EEIG2: variants seen among roughly 807,000 people sequenced by gnomAD.
EEIG2 encodes family with sequence similarity 102 member B.
the EEIG2 span, among the ~76,000 whole-genome samples, chr1:108,624,327 G>A: frequency 6.6e-6 from 1 of 151,858 alleles, no homozygotes; most frequent in Non-Finnish European, 1.5e-5. Context: ...GTGCTGTCCT[G>A]AGTTGACAGT....
At chr1:108,597,806 G>T in the EEIG2 span, among the ~76,000 whole-genome samples, 1 of 152,112 alleles carries the variant, frequency 6.6e-6, no homozygotes, top group African/African-American at 2.4e-5. Context: ...CTATAAATTT[G>T]TATATAATTT....
At chr1:108,602,705 C>T in the EEIG2 span, among the ~76,000 whole-genome samples, 1 of 151,920 alleles carries the variant, frequency 6.6e-6, no homozygotes, top group African/African-American at 2.4e-5. Flanking sequence ...CATGGAGAAA[C>T]CCCATCTCCA....
the EEIG2 span, among the ~76,000 whole-genome samples, chr1:108,572,985 T>G: frequency 7.2e-5 from 11 of 152,262 alleles, no homozygotes; most frequent in Non-Finnish European, 1.6e-4. Context: ...CTGGATATAC[T>G]ATGGTTTACC....
At chr1:108,613,835 C>A in the EEIG2 span, among the ~76,000 whole-genome samples, 2 of 152,006 alleles carry the variant, frequency 1.3e-5, no homozygotes, top group African/African-American at 4.8e-5. Context: ...TATTTTCTCT[C>A]CTGATAGCTG....
At chr1:108,583,738 T>C in the EEIG2 span, among the ~76,000 whole-genome samples, 1 of 152,020 alleles carries the variant, frequency 6.6e-6, no homozygotes, top group African/African-American at 2.4e-5. Context: ...GATTGCAGAA[T>C]AGTTAGGATC....
the EEIG2 span, among the ~76,000 whole-genome samples, chr1:108,599,179 CA>C: frequency 2.5e-4 from 36 of 145,212 alleles, no homozygotes; most frequent in South Asian, 7.5e-3. Context: ...ACAACAACAA[CA>C]AAAAAAAAAC....
At chr1:108,561,175 C>T in the EEIG2 span, among the ~76,000 whole-genome samples, 10 of 152,170 alleles carry the variant, frequency 6.6e-5, no homozygotes, top group Non-Finnish European at 1.5e-5. Context: ...GGGCTTAGAG[C>T]CAGATGGGGA....
the EEIG2 span, among the ~76,000 whole-genome samples, chr1:108,568,222 C>T: frequency 6.6e-6 from 1 of 151,928 alleles, no homozygotes; most frequent in Non-Finnish European, 1.5e-5. Flanking sequence ...TGAAAGAAAG[C>T]AAATATTGGG....
the EEIG2 span, among the ~76,000 whole-genome samples, chr1:108,605,730 T>G: frequency 6.6e-6 from 1 of 152,218 alleles, no homozygotes; most frequent in Admixed American, 6.5e-5. Flanking sequence ...TATTTTCCAC[T>G]TTGGCCAGCC....
At chr1:108,624,155 G>A in the EEIG2 span, among the ~76,000 whole-genome samples, 2 of 152,132 alleles carry the variant, frequency 1.3e-5, no homozygotes, top group African/African-American at 4.8e-5. Flanking sequence ...CCCTGGGCAG[G>A]TGAACTGTTT....
chr1:108,623,943 A>G, the EEIG2 span, among the ~76,000 whole-genome samples: 2 of 152,140 alleles, frequency 1.3e-5, no homozygotes, highest in Non-Finnish European at 2.9e-5. Context: ...AAGTGCTGAG[A>G]TTACAGGCGT....
the EEIG2 span, among the ~76,000 whole-genome samples, chr1:108,561,254 A>C: frequency 6.6e-6 from 1 of 152,254 alleles, no homozygotes; most frequent in Non-Finnish European, 1.5e-5. Flanking sequence ...AGCAGGTTAC[A>C]GAATGAAGCT....
chr1:108,577,925 C>G, the EEIG2 span, among the ~76,000 whole-genome samples: 1 of 151,588 alleles, frequency 6.6e-6, no homozygotes, highest in Non-Finnish European at 1.5e-5. Flanking sequence ...TTCTTCCTAC[C>G]CATGAGCATG....
chr1:108,619,737 A>T, the EEIG2 span, among the ~76,000 whole-genome samples: 1 of 152,134 alleles, frequency 6.6e-6, no homozygotes, highest in Non-Finnish European at 1.5e-5. Flanking sequence ...AAAATAAATT[A>T]AAAAATTAGC....
chr1:108,618,712 AC>A, the EEIG2 span, among the ~76,000 whole-genome samples: 1 of 151,854 alleles, frequency 6.6e-6, no homozygotes, highest in Non-Finnish European at 1.5e-5. Flanking sequence ...GGTGATGCAC[AC>A]CTGTGGTTCC....
At chr1:108,635,231 A>C in the EEIG2 span, 1 of 1,558,904 alleles carries the variant, frequency 6.4e-7, no homozygotes, top group Non-Finnish European at 8.8e-7. Context: ...TCAAGCACTT[A>C]ATAGAAAATG....
At chr1:108,581,535 C>T in the EEIG2 span, among the ~76,000 whole-genome samples, 1 of 149,998 alleles carries the variant, frequency 6.7e-6, no homozygotes, top group African/African-American at 2.5e-5. Flanking sequence ...GGTCAAAATA[C>T]CAACATTAAC....
chr1:108,593,608 G>A, the EEIG2 span, among the ~76,000 whole-genome samples: 1,267 of 152,200 alleles, frequency 8.3e-3, 20 homozygotes, highest in African/African-American at 0.029. Context: ...TGCCACATAC[G>A]CTCCTGGGCA....
chr1:108,562,525 G>T, the EEIG2 span, among the ~76,000 whole-genome samples: 10 of 152,264 alleles, frequency 6.6e-5, no homozygotes, highest in Non-Finnish European at 1.3e-4. Flanking sequence ...AGAGATAGTT[G>T]GTGTAAAGCT....
Sources: gnomAD v4.1 joint callset for allele counts (sites outside exome capture counted in the v4.1 genomes callset) on GRCh38, gnomAD v4.1.1 for gene constraint, MANE v1.5 for transcripts, NCBI Gene and HGNC (gene_info 2026-07-23, HGNC 2026-07-21) for gene names.